Variants in ZNF385D observed in about 807,000 individuals in gnomAD.
ZNF385D encodes zinc finger protein 659.
ZNF385D carries 15 observed loss-of-function variants against 35.8 expected under a neutral mutation model. That is an observed-to-expected ratio of 0.42 (90% confidence interval 0.28 to 0.64). The LOEUF is 0.64. ZNF385D is among the 30% of genes least tolerant of loss of function. ZNF385D has a pLI of 0.23. For missense variants in ZNF385D, 474 were observed against 494.6 expected (o/e 0.96, Z 0.39); for synonymous variants, 212 against 186.8 (o/e 1.13, Z -1.10).
intron 1 of ZNF385D, among the ~76,000 whole-genome samples, chr3:21,735,666 G>A (rs990950764): frequency 1.3e-5 from 2 of 152,180 alleles, no homozygotes; most frequent in Non-Finnish European, 2.9e-5. Flanking sequence ...ATATCATTAA[G>A]TGCAGTGATT....
chr3:21,841,118 G>T (rs558048248), intron 3 of ZNF385D, among the ~76,000 whole-genome samples: 5 of 152,034 alleles, frequency 3.3e-5, no homozygotes, highest in Admixed American at 6.6e-5. Flanking sequence ...AGGACATTCA[G>T]AGCAATGATG....
At chr3:21,738,539 A>C (rs1232760291) in intron 1 of ZNF385D, among the ~76,000 whole-genome samples, 1 of 152,212 alleles carries the variant, frequency 6.6e-6, no homozygotes, top group Non-Finnish European at 1.5e-5. Context: ...GTGAGTTGCC[A>C]TTATTATCTC....
intron 4 of ZNF385D, among the ~76,000 whole-genome samples, chr3:21,442,689 T>C (rs1701922291): frequency 6.9e-6 from 1 of 145,336 alleles, no homozygotes; most frequent in Non-Finnish European, 1.5e-5. Flanking sequence ...TCTTGTAAAA[T>C]AAAAAAAGTT....
chr3:22,097,413 A>G (rs548307433), intron 3 of ZNF385D, among the ~76,000 whole-genome samples: 1 of 152,122 alleles, frequency 6.6e-6, no homozygotes, highest in East Asian at 1.9e-4. Flanking sequence ...AGATGGAGAA[A>G]GAGGTTATTG....
chr3:21,490,448 C>T (rs1705348129), intron 4 of ZNF385D, among the ~76,000 whole-genome samples: 1 of 152,172 alleles, frequency 6.6e-6, no homozygotes, highest in East Asian at 1.9e-4. Context: ...GTGACTGTCA[C>T]TCTATCATCA....
chr3:21,734,715 T>C (rs1446873652), intron 1 of ZNF385D, among the ~76,000 whole-genome samples: 1 of 152,062 alleles, frequency 6.6e-6, no homozygotes, highest in Non-Finnish European at 1.5e-5. Flanking sequence ...ATCACCTAGA[T>C]AAGAAATTTG....
At chr3:22,257,186 C>G (rs994440047) in intron 2 of ZNF385D, among the ~76,000 whole-genome samples, 1 of 151,656 alleles carries the variant, frequency 6.6e-6, no homozygotes, top group African/African-American at 2.4e-5. Flanking sequence ...AAAAATCTGC[C>G]CCCATATTTT....
chr3:22,113,313 A>G (rs1303114804), intron 3 of ZNF385D, among the ~76,000 whole-genome samples: 1 of 152,118 alleles, frequency 6.6e-6, no homozygotes, highest in Non-Finnish European at 1.5e-5. Context: ...TGAAACACCA[A>G]GGAAAGCAGG....
chr3:21,812,294 A>G (rs981341715), intron 3 of ZNF385D, among the ~76,000 whole-genome samples: 1 of 152,218 alleles, frequency 6.6e-6, no homozygotes, highest in Non-Finnish European at 1.5e-5. Context: ...GACGCAGAAG[A>G]TGGGTGATTT....
chr3:21,866,964 T>A (rs1214693875), intron 3 of ZNF385D, among the ~76,000 whole-genome samples: 1 of 152,060 alleles, frequency 6.6e-6, no homozygotes, highest in Non-Finnish European at 1.5e-5. Flanking sequence ...CAATACCCAT[T>A]ATCTTAGTCG....
At chr3:22,179,653 C>G (rs548957865) in intron 2 of ZNF385D, among the ~76,000 whole-genome samples, 16 of 152,188 alleles carry the variant, frequency 1.1e-4, no homozygotes, top group Non-Finnish European at 2.1e-4. Context: ...GAAGGCATCA[C>G]TGCCTTGTGC....
chr3:21,819,605 A>T (rs1324097255), intron 3 of ZNF385D, among the ~76,000 whole-genome samples: 3 of 146,852 alleles, frequency 2.0e-5, no homozygotes, highest in East Asian at 4.0e-4. Flanking sequence ...ATGTGTGTAT[A>T]TATGTTATAT....
chr3:22,153,547 T>TC (rs1705401478), intron 3 of ZNF385D, among the ~76,000 whole-genome samples: 1 of 143,210 alleles, frequency 7.0e-6, no homozygotes, highest in South Asian at 2.3e-4. Flanking sequence ...CACTGCAAAC[T>TC]CCCCCTCCTG....
chr3:22,120,477 T>C (rs146821902), intron 3 of ZNF385D, among the ~76,000 whole-genome samples: 9 of 152,216 alleles, frequency 5.9e-5, no homozygotes, highest in Middle Eastern at 3.4e-3. Flanking sequence ...CCTCAAATAG[T>C]GTCACACTGG....
At chr3:21,517,575 G>C (rs1206898906) in intron 3 of ZNF385D, among the ~76,000 whole-genome samples, 1 of 152,104 alleles carries the variant, frequency 6.6e-6, no homozygotes, top group Non-Finnish European at 1.5e-5. Flanking sequence ...CCTTGAATTT[G>C]AAAGGATTTA....
intron 2 of ZNF385D, among the ~76,000 whole-genome samples, chr3:22,189,460 T>C (rs1367951086): frequency 6.6e-6 from 1 of 152,134 alleles, no homozygotes; most frequent in Non-Finnish European, 1.5e-5. Flanking sequence ...TTCACAGACT[T>C]ATGACAATTC....
At chr3:22,209,535 T>C (rs1286120387) in intron 2 of ZNF385D, among the ~76,000 whole-genome samples, 2 of 151,870 alleles carry the variant, frequency 1.3e-5, no homozygotes, top group African/African-American at 2.4e-5. Flanking sequence ...GAAAAAAATA[T>C]AAACATGAAC....
chr3:22,326,954 T>G, intron 2 of ZNF385D, among the ~76,000 whole-genome samples: 1 of 152,238 alleles, frequency 6.6e-6, no homozygotes. Flanking sequence ...TTTAAATTCC[T>G]TGGAACATTT....
rs182210056 is a variant in ZNF385D at position 21,563,082 on chromosome 3, C to A, written c.276+1492G>T. 2.1e-5 allele frequency among the ~76,000 whole-genome samples: 3 copies of A among 143,384 alleles called. No homozygotes were observed. The East Asian group carries it at 5.8e-4, about 28-fold the overall frequency. 94.1% of individuals were successfully genotyped at this position (143,384 alleles called of 152,430 possible). On this transcript the variant is annotated intron_variant, in intron 3 of 7. Transcript: ENST00000281523. ...AATTCATATGTTGAGATTCTGACCC[C>A]CAAGTTGATGGTAGTAGCAGGTGGA...
Sources: gnomAD v4.1 joint callset for allele counts (sites outside exome capture counted in the v4.1 genomes callset) on GRCh38, gnomAD v4.1.1 for gene constraint, MANE v1.5 for transcripts, NCBI Gene and HGNC (gene_info 2026-07-23, HGNC 2026-07-21) for gene names.